The following NFE2L2 variants were observed in gnomAD, a reference collection of about 807,000 sequenced individuals.
The protein encoded by NFE2L2 is NFE2 like bZIP transcription factor 2.
In NFE2L2, 20 loss-of-function variants were observed where a neutral mutation model predicts 49.6. That is an observed-to-expected ratio of 0.40 (90% CI 0.28 to 0.59). The LOEUF (loss-of-function observed/expected upper bound fraction) is 0.59. Among genes scored for constraint, NFE2L2 ranks in the 20% least tolerant of loss-of-function variants. The probability of loss-of-function intolerance (pLI) is 0.40; values close to 1 mark genes in which losing one functional copy is unlikely to be tolerated. For synonymous variants in NFE2L2, 244 were observed against 256.5 expected, an observed-to-expected ratio of 0.95 and a Z score of 0.47; for missense variants, 578 against 714.2, an observed-to-expected ratio of 0.81 and a Z score of 2.17.
intron 1 of NFE2L2, among the ~76,000 whole-genome samples, chr2:177,261,549 T>C (rs142240496): frequency 2.1e-4 from 32 of 152,280 alleles, no homozygotes; most frequent in African/African-American, 7.2e-4. Flanking sequence ...GGCCACTCAA[T>C]AGTATGGTCA....
At chr2:177,248,717 CTTTTT>C (rs895276233) in intron 1 of NFE2L2, among the ~76,000 whole-genome samples, 3 of 152,018 alleles carry the variant, frequency 2.0e-5, no homozygotes, top group Non-Finnish European at 2.9e-5. Context: ...CCTCTGTACT[CTTTTT>C]TTTATTTTTC....
Position 177,234,190 on chromosome 2 carries a change from G to A in NFE2L2, c.127C>T (p.Arg43Trp), listed in dbSNP as rs182428269. ...SREVFDFSQRRKEYELEKQKK... is the reference protein window; with the variant it reads ...SREVFDFSQRWKEYELEKQKK... ...TGTTTTTCCAGCTCATACTCTTTCC[G>A]TCGCTGACTGAAGTCAAATACTTCT... Residue 43 changes from arginine to tryptophan, a missense_variant, in exon 2 of 5, where the codon CGG (arginine) becomes TGG (tryptophan). This residue lies in a region of NFE2L2 where 93 missense variants were observed against 153.9 expected (regional missense o/e 0.60). Coordinates refer to ENST00000397062, the MANE Select transcript of NFE2L2 (RefSeq NM_006164.5). 9.0e-5 allele frequency: 145 copies of A among 1,613,922 alleles called. 1 individual carries two copies. The highest frequency in any genetic ancestry group is 3.3e-4 in the Middle Eastern group (2 of 6,062).
chr2:177,235,161 C>T (rs1332396544), intron 1 of NFE2L2, among the ~76,000 whole-genome samples: 2 of 151,004 alleles, frequency 1.3e-5, no homozygotes, highest in African/African-American at 4.9e-5. Context: ...TGCGGTGGCT[C>T]ACGCCTACAA....
chr2:177,234,019 C>A lies in NFE2L2; in HGVS notation c.298G>T (p.Ala100Ser), dbSNP rs1287389394. 1 of 1,614,048 alleles carries A rather than the reference C, an allele frequency of 6.2e-7. No homozygotes were observed. Among genetic ancestry groups the A allele is most frequent in the Non-Finnish European group, 8.5e-7 (1 of 1,180,038 alleles). The stretch of plus-strand genomic sequence containing the variant: ...GTACTCTGTACCTGGGAGTAGTTGG[C>A]AGATCCACTGGTTTCTGACTGGATG... ...QHIQSETSGS[A>S]NYSQVAHIPK... Residue 100 changes from alanine to serine, a missense_variant, in exon 2 of 5, where the codon GCC becomes TCC. By Grantham distance (99) the Ala-to-Ser change is moderately conservative. Transcript: ENST00000397062.
chr2:177,263,371 CAG>C (rs1188398438), intron 1 of NFE2L2: 1 of 985,352 alleles, frequency 1.0e-6, no homozygotes, highest in Admixed American at 6.1e-5. Context: ...CTAAAAGCAA[CAG>C]AAATTCTAAT....
At position 177,264,659 on chromosome 2, in the gene NFE2L2, T is replaced by TGGTGGCGGCGGCGGCGGC; in HGVS notation, c.-101_-84dup. The TGGTGGCGGCGGCGGCGGC allele has an allele frequency of 8.0e-7, 1 of 1,252,908 alleles. No individual in the cohort carries two copies. The highest frequency in any genetic ancestry group is 1.0e-6 in the Non-Finnish European group (1 of 983,430). The allele number at this position is 1,252,908 out of a possible 1,614,324, so 77.6% of individuals were successfully genotyped here. ...AGGCGCGGCGCGGACAGGGCGGCTC[T>TGGTGGCGGCGGCGGCGGC]GGTGGCGGCGGCGGCGGCGGTGGCG... is the stretch of plus-strand genomic sequence containing the variant. On this transcript the variant is annotated 5_prime_UTR_variant, in exon 1 of 5. Transcript: ENST00000397062.
chr2:177,256,535 A>G (rs1279924118), intron 1 of NFE2L2, among the ~76,000 whole-genome samples: 1 of 150,970 alleles, frequency 6.6e-6, no homozygotes, highest in Non-Finnish European at 1.5e-5. Context: ...AGGACATTGA[A>G]TGAGAAAATG....
intron 1 of NFE2L2, among the ~76,000 whole-genome samples, chr2:177,257,347 AAC>A (rs1378587112): frequency 6.6e-6 from 1 of 152,130 alleles, no homozygotes; most frequent in Non-Finnish European, 1.5e-5. Flanking sequence ...TTCCTGAAAA[AAC>A]ACAGAGCAAT....
chr2:177,238,037 TCC>T (rs1408574471), intron 1 of NFE2L2, among the ~76,000 whole-genome samples: 3 of 152,212 alleles, frequency 2.0e-5, no homozygotes, highest in East Asian at 3.8e-4. Flanking sequence ...AAATAGGCAG[TCC>T]ATGTTCCCAC....
intron 1 of NFE2L2, among the ~76,000 whole-genome samples, chr2:177,234,633 C>T (rs564543287): frequency 6.6e-6 from 1 of 152,356 alleles, no homozygotes; most frequent in African/African-American, 2.4e-5. Flanking sequence ...CTCTAAGCCA[C>T]TGGCTTATAT....
chr2:177,264,632 CGA>C lies in NFE2L2; in HGVS notation c.-58_-57del. On this transcript the variant is annotated 5_prime_UTR_variant, in exon 1 of 5. Coordinates refer to ENST00000397062, the MANE Select transcript of NFE2L2 (RefSeq NM_006164.5). Reference sequence around the variant, plus strand: ...CCGACGGCGGCCCTGTTCCGGCTGCCGAGGCGCGGCGCGGACAGGGCGGCTCT... The same window carrying C: ...CCGACGGCGGCCCTGTTCCGGCTGCCGGCGCGGCGCGGACAGGGCGGCTCT... 7.2e-7 allele frequency: 1 copy of C among 1,390,036 alleles called. No homozygotes were observed. The highest frequency in any genetic ancestry group is 9.4e-7 in the Non-Finnish European group (1 of 1,059,448). 86.1% of individuals were successfully genotyped at this position (1,390,036 alleles called of 1,614,324 possible).
intron 1 of NFE2L2, among the ~76,000 whole-genome samples, chr2:177,240,646 CA>C (rs1398892188): frequency 7.2e-5 from 11 of 152,266 alleles, no homozygotes; most frequent in African/African-American, 2.6e-4. Context: ...CATCATTTGC[CA>C]ACTGGGTAAT....
intron 2 of NFE2L2, 63 bp from the exon 3 acceptor site, chr2:177,233,402 A>C: frequency 8.8e-7 from 1 of 1,140,242 alleles, no homozygotes; most frequent in Non-Finnish European, 1.3e-6. Context: ...GCCAAGCTAA[A>C]TATTCAATAA....
At chr2:177,232,208 C>T (rs1050701039) in intron 4 of NFE2L2, 184 bp downstream of exon 4, 5 of 887,400 alleles carry the variant, frequency 5.6e-6, no homozygotes, top group Admixed American at 3.0e-5. Flanking sequence ...CCAGATCAGA[C>T]GTCAGGTTTA....
At chr2:177,255,526 A>G (rs1430025305) in intron 1 of NFE2L2, among the ~76,000 whole-genome samples, 3 of 152,146 alleles carry the variant, frequency 2.0e-5, no homozygotes, top group Non-Finnish European at 4.4e-5. Context: ...GCTGACACAA[A>G]GTAAACCAGC....
rs376383872 is a variant in NFE2L2 at position 177,258,190 on chromosome 2, T to C, written c.45+6342A>G. 3.9e-5 allele frequency among the ~76,000 whole-genome samples: 6 copies of C among 152,268 alleles called. No individual in the cohort carries two copies. The East Asian group carries it at 7.7e-4, about 20-fold the overall frequency. ...TAAAAAGTGGAAACAACTCAAATGA[T>C]CATCAACTGGATAAATAAAATGTGG... On this transcript the variant is annotated intron_variant, in intron 1 of 4. Transcript: ENST00000397062.
At chr2:177,232,167 G>A (rs891679463) in intron 4 of NFE2L2, 159 bp from the exon 5 acceptor site, 13 of 915,150 alleles carry the variant, frequency 1.4e-5, no homozygotes, top group African/African-American at 5.1e-5. Context: ...ACATATTTAC[G>A]CCTAAGCGTT....
chr2:177,260,490 G>A (rs1472485552), intron 1 of NFE2L2, among the ~76,000 whole-genome samples: 1 of 152,198 alleles, frequency 6.6e-6, no homozygotes, highest in Admixed American at 6.5e-5. Flanking sequence ...AAAGACCCAA[G>A]TAAGCTTCAA....
chr2:177,254,075 A>G (rs1464109138), intron 1 of NFE2L2, among the ~76,000 whole-genome samples: 1 of 152,204 alleles, frequency 6.6e-6, no homozygotes, highest in Admixed American at 6.6e-5. Flanking sequence ...TAAGCCCCAG[A>G]GAGATATGAC....
Sources: gnomAD v4.1 joint callset for allele counts (sites outside exome capture counted in the v4.1 genomes callset) on GRCh38, gnomAD v4.1.1 for gene constraint, gnomAD v4.1.1 regional missense constraint, MANE v1.5 for transcripts, NCBI Gene and HGNC (gene_info 2026-07-23, HGNC 2026-07-21) for gene names.